NSMCE2: variants seen among roughly 807,000 people sequenced by gnomAD.
The protein encoded by NSMCE2 is NSE2 SUMO ligase component of SMC5/6 complex.
A neutral mutation model predicts 23.8 loss-of-function variants in NSMCE2; 24 were observed. That is an observed-to-expected ratio of 1.01 (90% CI 0.73 to 1.42). NSMCE2 has a LOEUF of 1.42. Among genes scored for constraint, NSMCE2 ranks in the 40% most tolerant of loss-of-function variants. The probability of loss-of-function intolerance (pLI) is 0.00; values close to 1 mark genes in which losing one functional copy is unlikely to be tolerated. For synonymous variants in NSMCE2, 92 were observed against 94.1 expected (o/e 0.98, Z 0.13); for missense variants, 284 against 296.5 (o/e 0.96, Z 0.31).
chr8:125,294,918 G>T (rs1308520268), intron 5 of NSMCE2, among the ~76,000 whole-genome samples: 2 of 152,176 alleles, frequency 1.3e-5, no homozygotes, highest in Non-Finnish European at 2.9e-5. Flanking sequence ...ATGGAGATGT[G>T]TGTCTCTTCT....
intron 5 of NSMCE2, among the ~76,000 whole-genome samples, chr8:125,303,790 C>T (rs535136773): frequency 6.6e-6 from 1 of 152,320 alleles, no homozygotes; most frequent in Admixed American, 6.5e-5. Flanking sequence ...ATGATTCCCT[C>T]AGTTGCTCTC....
chr8:125,288,241 G>GCT, intron 5 of NSMCE2, among the ~76,000 whole-genome samples: 1 of 152,274 alleles, frequency 6.6e-6, no homozygotes, highest in South Asian at 2.1e-4. Flanking sequence ...TACTGCGTGA[G>GCT]CTCCCTCACC....
intron 4 of NSMCE2, among the ~76,000 whole-genome samples, chr8:125,181,786 C>T (rs981243403): frequency 2.6e-5 from 4 of 152,056 alleles, no homozygotes; most frequent in African/African-American, 9.7e-5. Flanking sequence ...TGGTGATGCT[C>T]AGGTCTGGTG....
chr8:125,102,182 G>T, intron 2 of NSMCE2, 36 bp downstream of exon 2: 1 of 647,972 alleles, frequency 1.5e-6, no homozygotes, highest in Non-Finnish European at 2.7e-6. Context: ...TTCTCTATAG[G>T]ATATACAGAA....
chr8:125,355,699 C>CAAAAAAA (rs140692089), intron 5 of NSMCE2, among the ~76,000 whole-genome samples: 2 of 46,750 alleles, frequency 4.3e-5, no homozygotes, highest in African/African-American at 8.1e-5. Context: ...GACTCCATCT[C>CAAAAAAA]AAAAAAAAAA....
At chr8:125,133,621 A>AT (rs1346528399) in intron 3 of NSMCE2, among the ~76,000 whole-genome samples, 2 of 151,630 alleles carry the variant, frequency 1.3e-5, no homozygotes, top group Non-Finnish European at 2.9e-5. Context: ...CGCACCTGTA[A>AT]TCCCCCCAGC....
chr8:125,262,157 G>A (rs1035492508), intron 5 of NSMCE2, among the ~76,000 whole-genome samples: 6 of 151,674 alleles, frequency 4.0e-5, no homozygotes, highest in Non-Finnish European at 8.8e-5. Context: ...CGGGTGCGAT[G>A]GCTCACACCT....
chr8:125,189,612 A>G (rs1460303430), intron 5 of NSMCE2, among the ~76,000 whole-genome samples: 1 of 152,248 alleles, frequency 6.6e-6, no homozygotes, highest in African/African-American at 2.4e-5. Context: ...GTCAGAACAT[A>G]GTTAAGGCAG....
At chr8:125,120,825 A>G (rs1408494309) in intron 3 of NSMCE2, among the ~76,000 whole-genome samples, 4 of 152,192 alleles carry the variant, frequency 2.6e-5, no homozygotes, top group Non-Finnish European at 5.9e-5. Flanking sequence ...GCATGTGACC[A>G]AGTCGCAAGA....
At chr8:125,267,320 C>A (rs1420035929) in intron 5 of NSMCE2, among the ~76,000 whole-genome samples, 2 of 152,012 alleles carry the variant, frequency 1.3e-5, no homozygotes, top group African/African-American at 4.8e-5. Flanking sequence ...GGTACCTTTT[C>A]TAAATATATG....
chr8:125,306,328 A>C (rs1168853356), intron 5 of NSMCE2, among the ~76,000 whole-genome samples: 2 of 151,718 alleles, frequency 1.3e-5, no homozygotes, highest in African/African-American at 2.4e-5. Context: ...CCTGTCTCAA[A>C]ACAAAACAAA....
chr8:125,111,279 T>C lies in NSMCE2; in HGVS notation c.157+8792T>C, dbSNP rs112485487. On this transcript the variant is annotated intron_variant, in intron 3 of 7. Transcript: ENST00000287437. Reference sequence around the variant, plus strand: ...ACTGCCCTCATGAATAACTGACCTTTTACATTTGCAAATGTTAAGCATTTC... The same window carrying C: ...ACTGCCCTCATGAATAACTGACCTTCTACATTTGCAAATGTTAAGCATTTC... Among the ~76,000 whole-genome samples, 185 of 152,298 alleles carry C rather than the reference T, an allele frequency of 1.2e-3. 2 individuals are homozygous for C. Among genetic ancestry groups the C allele is most frequent in the African/African-American group, 4.1e-3 (172 of 41,572 alleles).
intron 4 of NSMCE2, among the ~76,000 whole-genome samples, chr8:125,157,629 A>T (rs1563686285): frequency 6.6e-6 from 1 of 152,316 alleles, no homozygotes; most frequent in East Asian, 1.9e-4. Flanking sequence ...TATCCCACTA[A>T]TTGAATTACC....
At chr8:125,240,217 C>A (rs895221840) in intron 5 of NSMCE2, among the ~76,000 whole-genome samples, 3 of 151,964 alleles carry the variant, frequency 2.0e-5, no homozygotes, top group African/African-American at 7.3e-5. Context: ...CTCCTCCTCC[C>A]GGGTTCAAGC....
chr8:125,280,187 G>A (rs1827635312), intron 5 of NSMCE2, among the ~76,000 whole-genome samples: 1 of 152,168 alleles, frequency 6.6e-6, no homozygotes. Context: ...CAAGAACGTG[G>A]ATAATATGAG....
intron 3 of NSMCE2, among the ~76,000 whole-genome samples, chr8:125,121,997 T>G (rs987169882): frequency 2.0e-5 from 3 of 151,994 alleles, no homozygotes; most frequent in Non-Finnish European, 2.9e-5. Flanking sequence ...TGCAGTAAGC[T>G]CTGAGATAAG....
intron 5 of NSMCE2, among the ~76,000 whole-genome samples, chr8:125,283,882 A>G (rs181654010): frequency 9.2e-5 from 14 of 152,138 alleles, no homozygotes; most frequent in Admixed American, 3.3e-4. Flanking sequence ...GGCCGGGCGC[A>G]GTGGCTCACG....
At chr8:125,258,194 A>AT (rs1826524943) in intron 5 of NSMCE2, among the ~76,000 whole-genome samples, 2 of 152,174 alleles carry the variant, frequency 1.3e-5, no homozygotes, top group Admixed American at 6.5e-5. Context: ...GATGGACTTA[A>AT]TTTTTTTCTG....
chr8:125,099,685 C>T (rs1404157168), intron 1 of NSMCE2, among the ~76,000 whole-genome samples: 1 of 152,050 alleles, frequency 6.6e-6, no homozygotes, highest in Non-Finnish European at 1.5e-5. Flanking sequence ...TTCAGGTGAC[C>T]TTGACAAGAG....
Sources: allele counts gnomAD v4.1 joint callset (sites outside exome capture counted in the v4.1 genomes callset), GRCh38; gene constraint gnomAD v4.1.1; transcripts MANE v1.5; gene names NCBI Gene and HGNC (gene_info 2026-07-23, HGNC 2026-07-21).